CNTNAP2: variants seen among roughly 807,000 people sequenced by gnomAD.
The protein encoded by CNTNAP2 is contactin associated protein 2, also known as contactin-associated protein-like 2.
CNTNAP2 carries 98 observed loss-of-function variants against 155.2 expected under a neutral mutation model. The ratio of observed to expected loss-of-function variants is 0.63; its 90% CI spans 0.54 to 0.75. The LOEUF is 0.75. Among genes scored for constraint, CNTNAP2 ranks in the 30% least tolerant of loss-of-function variants. The pLI is 0.00. For synonymous variants in CNTNAP2, 651 were observed against 631.2 expected (o/e 1.03, Z -0.47); for missense variants, 1,727 against 1,688.1 (o/e 1.02, Z -0.40).
rs763817928 is a variant in CNTNAP2 at position 148,125,655 on chromosome 7, C to CTGTGTG, written c.2554+7397_2554+7402dup. Among the ~76,000 whole-genome samples, 973 of 136,316 alleles carry CTGTGTG rather than the reference C, an allele frequency of 7.1e-3. 9 individuals carry two copies. The highest frequency in any genetic ancestry group is 0.018 in the African/African-American group (648 of 35,100). 89.4% of individuals were successfully genotyped at this position (136,316 alleles called of 152,430 possible). A position where few individuals can be genotyped will look rare whatever the true frequency, so the allele number is the denominator to read the frequency against. The stretch of plus-strand genomic sequence containing the variant: ...ACTAGTAATCTCTGTTATTATAAAA[C>CTGTGTG]TGTGTGTGTGTGTGTGTGTGTGTGT... On this transcript the variant is annotated intron_variant, in intron 16 of 23. Transcript: ENST00000361727.
At chr7:146,753,081 A>G (rs1177138155) in intron 1 of CNTNAP2, among the ~76,000 whole-genome samples, 1 of 152,126 alleles carries the variant, frequency 6.6e-6, no homozygotes, top group Non-Finnish European at 1.5e-5. Context: ...TCATCCTGTG[A>G]TTTCATCTTG....
intron 3 of CNTNAP2, among the ~76,000 whole-genome samples, chr7:146,854,323 G>A (rs1190610195): frequency 6.6e-6 from 1 of 152,182 alleles, no homozygotes; most frequent in Non-Finnish European, 1.5e-5. Flanking sequence ...TGACTTAAGT[G>A]CTTCTTACAC....
chr7:147,514,347 TATAA>T (rs1322801507), intron 11 of CNTNAP2, among the ~76,000 whole-genome samples: 2 of 151,994 alleles, frequency 1.3e-5, no homozygotes, highest in Non-Finnish European at 2.9e-5. Context: ...TTTTTCTGTT[TATAA>T]ATAAGTAAAA....
intron 23 of CNTNAP2, among the ~76,000 whole-genome samples, chr7:148,411,142 C>A (rs1026858299): frequency 6.6e-6 from 1 of 152,172 alleles, no homozygotes; most frequent in South Asian, 2.1e-4. Flanking sequence ...GAGCCTCATG[C>A]GTAGATCGAT....
At chr7:147,715,378 T>C (rs992489619) in intron 13 of CNTNAP2, among the ~76,000 whole-genome samples, 1 of 152,156 alleles carries the variant, frequency 6.6e-6, no homozygotes, top group Admixed American at 6.6e-5. Context: ...GTCATTCTGA[T>C]AGGTGTGTAG....
intron 3 of CNTNAP2, among the ~76,000 whole-genome samples, chr7:146,891,559 CTG>C (rs1211408384): frequency 6.6e-6 from 1 of 152,084 alleles, no homozygotes; most frequent in African/African-American, 2.4e-5. Context: ...AATATCAGCT[CTG>C]TGTATTTTTT....
chr7:146,824,346 A>G (rs1803358502), intron 2 of CNTNAP2, among the ~76,000 whole-genome samples: 1 of 152,182 alleles, frequency 6.6e-6, no homozygotes, highest in African/African-American at 2.4e-5. Flanking sequence ...TGTAACAAAC[A>G]TATGTGTGCA....
intron 9 of CNTNAP2, among the ~76,000 whole-genome samples, chr7:147,318,758 C>A (rs1045197319): frequency 6.6e-6 from 1 of 152,058 alleles, no homozygotes; most frequent in Non-Finnish European, 1.5e-5. Context: ...GTGCAGCAAA[C>A]CACCATGGCA....
At chr7:148,269,852 C>T (rs1796742660) in intron 21 of CNTNAP2, among the ~76,000 whole-genome samples, 1 of 152,164 alleles carries the variant, frequency 6.6e-6, no homozygotes, top group Non-Finnish European at 1.5e-5. Flanking sequence ...GTTGAGAATA[C>T]TTTAAAATGT....
At chr7:147,782,733 C>T (rs1797678022) in intron 13 of CNTNAP2, among the ~76,000 whole-genome samples, 1 of 152,176 alleles carries the variant, frequency 6.6e-6, no homozygotes, top group African/African-American at 2.4e-5. Context: ...TAGACCACAG[C>T]AGCCTGTTTA....
chr7:148,247,622 TC>T (rs566748024), intron 20 of CNTNAP2, among the ~76,000 whole-genome samples: 12,040 of 133,054 alleles, frequency 0.09, 799 homozygotes, highest in East Asian at 0.35. Flanking sequence ...TCTCTCTCTC[TC>T]TCTATTTATT....
At chr7:147,504,927 T>A (rs1459711405) in intron 11 of CNTNAP2, among the ~76,000 whole-genome samples, 1 of 151,968 alleles carries the variant, frequency 6.6e-6, no homozygotes, top group Admixed American at 6.6e-5. Flanking sequence ...TGATTAAATA[T>A]GCACACACAC....
chr7:146,968,023 G>T (rs13246527), intron 3 of CNTNAP2, among the ~76,000 whole-genome samples: 20,243 of 111,592 alleles, frequency 0.18, 2,354 homozygotes, highest in Middle Eastern at 0.25. Flanking sequence ...GCATGAAGCG[G>T]TGTTGAATTT....
At chr7:146,233,020 TTA>T (rs777741893) in intron 1 of CNTNAP2, among the ~76,000 whole-genome samples, 5 of 152,166 alleles carry the variant, frequency 3.3e-5, no homozygotes, top group South Asian at 2.1e-4. Flanking sequence ...CGTTTAGGGA[TTA>T]TATGTTATAG....
chr7:146,483,028 G>C (rs1386622583), intron 1 of CNTNAP2, among the ~76,000 whole-genome samples: 2 of 151,328 alleles, frequency 1.3e-5, no homozygotes. Flanking sequence ...TGTAATCCCA[G>C]CACTTTGGGA....
At chr7:148,270,377 C>T (rs1385727751) in intron 21 of CNTNAP2, among the ~76,000 whole-genome samples, 1 of 152,136 alleles carries the variant, frequency 6.6e-6, no homozygotes, top group Non-Finnish European at 1.5e-5. Context: ...ACATAAATAC[C>T]TGTAAGGAGG....
At position 148,387,451 on chromosome 7, in the gene CNTNAP2, G is replaced by GAAAGA. The variant is rs557479476; in HGVS notation, c.3715+3567_3715+3571dup. Among the ~76,000 whole-genome samples the GAAAGA allele has an allele frequency of 1.4e-4, 21 of 152,232 alleles. No individual in the cohort carries two copies. In the East Asian group the frequency reaches 3.9e-3, roughly 28 times the overall value. ...CTTGAGTCTGTGTAGGGTTAGGATG[G>GAAAGA]AAAGAAAATAACATGAGAGCTCGTG... On this transcript the variant is annotated intron_variant, in intron 22 of 23. Transcript: ENST00000361727.
chr7:146,938,166 A>G (rs1248655571), intron 3 of CNTNAP2, among the ~76,000 whole-genome samples: 2 of 152,094 alleles, frequency 1.3e-5, no homozygotes, highest in Non-Finnish European at 2.9e-5. Context: ...TTTACAGAGC[A>G]AGAACAATGA....
intron 3 of CNTNAP2, among the ~76,000 whole-genome samples, chr7:146,950,434 C>T (rs1316934102): frequency 1.2e-4 from 19 of 152,068 alleles, no homozygotes; most frequent in Non-Finnish European, 2.8e-4. Context: ...TCCTAATGCT[C>T]TCCCTCCCCT....
Sources: allele counts gnomAD v4.1 joint callset (sites outside exome capture counted in the v4.1 genomes callset), GRCh38; gene constraint gnomAD v4.1.1; transcripts MANE v1.5; gene names NCBI Gene and HGNC (gene_info 2026-07-23, HGNC 2026-07-21).